LIG1: variants seen among roughly 807,000 people sequenced by gnomAD.
LIG1 encodes ligase I, DNA, ATP-dependent.
A neutral mutation model predicts 115.7 loss-of-function variants in LIG1; 70 were observed. The ratio of observed to expected loss-of-function variants is 0.60; its 90% CI spans 0.50 to 0.74. The LOEUF (loss-of-function observed/expected upper bound fraction) is 0.74, where lower values mean the gene tolerates loss of function less well. Ranked by LOEUF, LIG1 falls within the 30% of genes least tolerant of loss-of-function variation. The pLI, the probability that LIG1 is intolerant of heterozygous loss-of-function variation, is 0.00. For synonymous variants in LIG1, 487 were observed against 495.3 expected (o/e 0.98, Z 0.22); for missense variants, 1,115 against 1,225.6 (o/e 0.91, Z 1.35).
intron 24 of LIG1, among the ~76,000 whole-genome samples, chr19:48,119,542 T>C (rs1350608598): frequency 7.1e-6 from 1 of 140,676 alleles, no homozygotes; most frequent in Admixed American, 7.1e-5. Flanking sequence ...TTTTTTTTTT[T>C]TTTTTTTTTT....
At chr19:48,156,132 C>T (rs1257214146) in intron 5 of LIG1, among the ~76,000 whole-genome samples, 2 of 151,970 alleles carry the variant, frequency 1.3e-5, no homozygotes, top group African/African-American at 2.4e-5. Flanking sequence ...CACCTCATTG[C>T]TCACCATCCC....
intron 25 of LIG1, chr19:48,118,534 C>CTTTTTTTTTTTT (rs143277427): frequency 3.1e-5 from 3 of 97,350 alleles, no homozygotes; most frequent in Non-Finnish European, 5.7e-5. Context: ...ATAAATGATC[C>CTTTTTTTTTTTT]TTTTTTTTTT....
chr19:48,135,629 T>G, intron 16 of LIG1, 51 bp downstream of exon 16: 1 of 1,045,732 alleles, frequency 9.6e-7, no homozygotes, highest in Non-Finnish European at 1.5e-6. Flanking sequence ...ACCCCCACCC[T>G]GGCACTCTGC....
intron 19 of LIG1, among the ~76,000 whole-genome samples, chr19:48,128,495 G>A (rs745577643): frequency 2.0e-5 from 3 of 152,142 alleles, no homozygotes; most frequent in Non-Finnish European, 4.4e-5. Flanking sequence ...GACTCTCCCG[G>A]GTCAGCCTGG....
chr19:48,136,273 A>G (rs2034385308), intron 14 of LIG1, 148 bp from the exon 15 acceptor site: 1 of 641,618 alleles, frequency 1.6e-6, no homozygotes, highest in South Asian at 1.8e-5. Flanking sequence ...GACCCCAGAT[A>G]TCACACAGCC....
chr19:48,153,406 T>C (rs1427200662), intron 6 of LIG1, among the ~76,000 whole-genome samples: 1 of 133,950 alleles, frequency 7.5e-6, no homozygotes, highest in African/African-American at 2.5e-5. Flanking sequence ...AAGGAAATCA[T>C]TTAGAGGAAA....
chr19:48,118,228 G>C (rs2033002789), intron 25 of LIG1, among the ~76,000 whole-genome samples: 1 of 152,186 alleles, frequency 6.6e-6, no homozygotes, highest in Non-Finnish European at 1.5e-5. Flanking sequence ...GATGGTGTCA[G>C]GGTCCGTGTG....
At chr19:48,154,823 C>T (rs1161462893) in intron 5 of LIG1, among the ~76,000 whole-genome samples, 1 of 152,214 alleles carries the variant, frequency 6.6e-6, no homozygotes, top group Non-Finnish European at 1.5e-5. Context: ...GGCACTGTCT[C>T]TCCCTGCTCA....
At chr19:48,132,209 T>A (rs1599770693) in intron 18 of LIG1, among the ~76,000 whole-genome samples, 1 of 152,084 alleles carries the variant, frequency 6.6e-6, no homozygotes, top group South Asian at 2.1e-4. Flanking sequence ...TCCCACCCAC[T>A]TTGCCTGCTT....
chr19:48,135,622 C>T, intron 16 of LIG1, 58 bp downstream of exon 16: 1 of 1,382,264 alleles, frequency 7.2e-7, no homozygotes, highest in Non-Finnish European at 1.0e-6. Context: ...TGGCTCCACC[C>T]CCACCCTGGC....
At chr19:48,136,785 G>A (rs776086164) in intron 14 of LIG1, among the ~76,000 whole-genome samples, 3 of 152,306 alleles carry the variant, frequency 2.0e-5, no homozygotes, top group East Asian at 1.9e-4. Context: ...TCACCCACAG[G>A]GGCCCAGGGG....
intron 9 of LIG1, among the ~76,000 whole-genome samples, chr19:48,146,926 G>A (rs2035154413): frequency 6.6e-6 from 1 of 152,090 alleles, no homozygotes; most frequent in Admixed American, 6.5e-5. Flanking sequence ...AACCTCTCTG[G>A]GCTAATCATG....
intron 19 of LIG1, 52 bp downstream of exon 19, chr19:48,131,024 G>C: frequency 6.8e-7 from 1 of 1,464,572 alleles, no homozygotes; most frequent in Admixed American, 1.7e-5. Context: ...TCAGGCCTTT[G>C]CACCCCTGAC....
chr19:48,133,874 G>A (rs1455200489), intron 17 of LIG1, 107 bp downstream of exon 17: 5 of 869,444 alleles, frequency 5.8e-6, no homozygotes, highest in Non-Finnish European at 9.4e-6. Flanking sequence ...TGGTGGGGGA[G>A]AGGACTCTGC....
chr19:48,130,699 T>A (rs1485313680), intron 19 of LIG1, among the ~76,000 whole-genome samples: 2 of 152,170 alleles, frequency 1.3e-5, no homozygotes, highest in Non-Finnish European at 2.9e-5. Flanking sequence ...CAGGAAAGTG[T>A]TAACTCAAGC....
At chr19:48,136,963 G>C (rs758731257) in intron 14 of LIG1, 45 bp downstream of exon 14, 4 of 1,485,656 alleles carry the variant, frequency 2.7e-6, no homozygotes, top group East Asian at 4.6e-5. Flanking sequence ...TTTCACCTCC[G>C]AGCCTGCAGT....
chr19:48,120,550 G>A (rs950296559), intron 24 of LIG1: 74 of 985,010 alleles, frequency 7.5e-5, no homozygotes, highest in Non-Finnish European at 8.8e-5. Flanking sequence ...AATGTGCACA[G>A]CTTTAAGAAA....
intron 7 of LIG1, 50 bp downstream of exon 7, chr19:48,151,182 C>A: frequency 8.7e-7 from 1 of 1,153,938 alleles, no homozygotes; most frequent in Non-Finnish European, 1.3e-6. Context: ...AGACTTCTGA[C>A]CCCAAAATCA....
In LIG1 at chr19:48,122,781, T is replaced by G. The variant is rs2033381741; in HGVS notation, c.2232+153A>C. ...AAGGGCTCGCAGCAGGGAGAAGGTC[T>G]GAACTCAGTTGCAGCAGGGGGCTGG... On this transcript the variant is annotated intron_variant, in intron 23 of 27. Transcript: ENST00000263274. This position sits in a 1 kb window ranked among gnomAD's most constrained non-coding sequence, Gnocchi z 4.3. Among the ~76,000 whole-genome samples the G allele has an allele frequency of 1.3e-5, 2 of 151,992 alleles. No homozygotes were observed. Among genetic ancestry groups the G allele is most frequent in the African/African-American group, 4.8e-5 (2 of 41,400 alleles).
Sources: gnomAD v4.1 joint callset for allele counts (sites outside exome capture counted in the v4.1 genomes callset) on GRCh38, gnomAD v4.1.1 for gene constraint, Gnocchi (gnomAD v3.1) non-coding constraint, MANE v1.5 for transcripts, NCBI Gene and HGNC (gene_info 2026-07-23, HGNC 2026-07-21) for gene names.